Variants in PPHLN1 observed in about 807,000 individuals in gnomAD.
The protein encoded by PPHLN1 is periphilin-1.
A neutral mutation model predicts 51.3 loss-of-function variants in PPHLN1; 29 were observed. The ratio of observed to expected loss-of-function variants is 0.57; its 90% CI spans 0.42 to 0.77. PPHLN1 has a LOEUF of 0.77. PPHLN1 is among the 30% of genes least tolerant of loss of function. The pLI is 0.00. For missense variants in PPHLN1, 436 were observed against 438.4 expected, an observed-to-expected ratio of 0.99 and a Z score of 0.05; for synonymous variants, 147 against 147.8, an observed-to-expected ratio of 0.99 and a Z score of 0.04.
chr12:42,442,937 A>G, downstream of PPHLN1: 3 of 847,236 alleles, frequency 3.5e-6, no homozygotes, highest in South Asian at 6.5e-5. Context: ...CCCATAACCC[A>G]TGGTCCCCAG....
At chr12:42,446,748 CA>C, downstream of PPHLN1, 1 of 1,209,886 alleles carries the variant, frequency 8.3e-7, no homozygotes, top group Non-Finnish European at 1.1e-6. Context: ...AGGAAAGACG[CA>C]ATTGGAAGGT....
chr12:42,423,229 C>T lies in PPHLN1; in HGVS notation c.910-18086C>T, dbSNP rs1421691382. Among the ~76,000 whole-genome samples, 5 of 152,226 alleles carry T rather than the reference C, an allele frequency of 3.3e-5. No homozygotes were observed. The East Asian group carries it at 7.7e-4, about 23-fold the overall frequency. On this transcript the variant is annotated intron_variant, in intron 9 of 9. Transcript: ENST00000358314. The stretch of plus-strand genomic sequence containing the variant: ...GCTTATATGGACTAGAAAATATCTA[C>T]AGACAGATCTTGAAAATATGGACTT...
At chr12:42,434,918 C>T (rs945587678) in intron 9 of PPHLN1, among the ~76,000 whole-genome samples, 1 of 152,144 alleles carries the variant, frequency 6.6e-6, no homozygotes, top group Non-Finnish European at 1.5e-5. Context: ...GGTCTTGAAC[C>T]CTGACCTCAG....
intron 8 of PPHLN1, among the ~76,000 whole-genome samples, chr12:42,397,325 A>AT (rs1565932456): frequency 6.6e-6 from 1 of 152,178 alleles, no homozygotes; most frequent in South Asian, 2.1e-4. Context: ...GATGACCTTA[A>AT]TTTTTTTGCC....
chr12:42,404,150 C>T (rs1405544653), intron 9 of PPHLN1, among the ~76,000 whole-genome samples: 3 of 151,914 alleles, frequency 2.0e-5, no homozygotes, highest in Admixed American at 2.0e-4. Context: ...AATTACCATA[C>T]AGGTGGTTAA....
intron 9 of PPHLN1, chr12:42,432,020 G>C (rs943546431): frequency 5.9e-6 from 9 of 1,522,252 alleles, no homozygotes; most frequent in Non-Finnish European, 8.2e-6. Context: ...ATGGATTGCT[G>C]TCTGGATCTT....
intron 4 of PPHLN1, among the ~76,000 whole-genome samples, chr12:42,360,294 T>C (rs2074501794): frequency 6.6e-6 from 1 of 151,370 alleles, no homozygotes; most frequent in Non-Finnish European, 1.5e-5. Context: ...AGTCTTCCCT[T>C]GATTTTTATG....
At chr12:42,400,798 T>TCACACACACACACA (rs67724902) in intron 9 of PPHLN1, among the ~76,000 whole-genome samples, 33 of 142,522 alleles carry the variant, frequency 2.3e-4, no homozygotes, top group African/African-American at 8.2e-4. Flanking sequence ...TCTCTCTCTT[T>TCACACACACACACA]CACACACACA....
Position 42,384,837 on chromosome 12 carries a change from T to C in PPHLN1, c.512-103T>C, listed in dbSNP as rs1325338241. 3.6e-6 allele frequency: 4 copies of C among 1,115,376 alleles called. No individual in the cohort carries two copies. In the South Asian group the frequency reaches 4.5e-5, roughly 13 times the overall value. The allele number at this position is 1,115,376 out of a possible 1,614,324, so 69.1% of individuals were successfully genotyped here. A position where few individuals can be genotyped will look rare whatever the true frequency, so the allele number is the denominator to read the frequency against. On this transcript the variant is annotated intron_variant, in intron 5 of 9. Coordinates refer to ENST00000358314, the MANE Select transcript of PPHLN1 (RefSeq NM_201439.2). ...AGAGTTTAGGGCCACCAGAAAATGC[T>C]CAGAAGCCCCTGTTCTCATCACTCC...
At chr12:42,422,455 T>C (rs1417823551) in intron 9 of PPHLN1, among the ~76,000 whole-genome samples, 1 of 152,224 alleles carries the variant, frequency 6.6e-6, no homozygotes, top group African/African-American at 2.4e-5. Context: ...ACTGTTTCTT[T>C]TGGCTCTTGT....
intron 9 of PPHLN1, among the ~76,000 whole-genome samples, chr12:42,440,515 G>C (rs1482951156): frequency 1.3e-5 from 2 of 152,138 alleles, no homozygotes; most frequent in African/African-American, 4.8e-5. Context: ...TCAAATTTAA[G>C]GTTTTATGAC....
chr12:42,440,626 G>C (rs1200231027), intron 9 of PPHLN1, among the ~76,000 whole-genome samples: 2 of 152,204 alleles, frequency 1.3e-5, no homozygotes, highest in East Asian at 3.8e-4. Context: ...ATGTCTGCAG[G>C]GCTGCGTTTA....
intron 4 of PPHLN1, among the ~76,000 whole-genome samples, chr12:42,360,588 C>T (rs1157671371): frequency 6.7e-6 from 1 of 149,418 alleles, no homozygotes; most frequent in East Asian, 2.0e-4. Flanking sequence ...CTCTGCCTCC[C>T]AGATTCAAGT....
intron 1 of PPHLN1, among the ~76,000 whole-genome samples, chr12:42,335,096 C>T (rs924452147): frequency 6.6e-6 from 1 of 152,018 alleles, no homozygotes; most frequent in Non-Finnish European, 1.5e-5. Context: ...TTTACCTTGT[C>T]TTTTGTCTGT....
chr12:42,347,461 T>C lies in PPHLN1; in HGVS notation c.73-4424T>C, dbSNP rs141105579. 4.6e-5 allele frequency among the ~76,000 whole-genome samples: 7 copies of C among 152,318 alleles called. No individual in the cohort carries two copies. In the East Asian group the frequency reaches 1.3e-3, roughly 29 times the overall value. On this transcript the variant is annotated intron_variant, in intron 2 of 9. Transcript: ENST00000358314. ...TGTCTGGCAATGCAGGTAATAAAAATACTGTTTGAATTTCAACAATATAAT... is the reference window on the plus strand; with the variant it reads ...TGTCTGGCAATGCAGGTAATAAAAACACTGTTTGAATTTCAACAATATAAT...
intron 2 of PPHLN1, among the ~76,000 whole-genome samples, chr12:42,344,708 A>ATTTT (rs35335129): frequency 0.12 from 15,505 of 133,886 alleles, 1,118 homozygotes; most frequent in South Asian, 0.18. Flanking sequence ...AACAGTGTGG[A>ATTTT]TTTTTTTTTT....
At chr12:42,444,967 T>G, downstream of PPHLN1, 1 of 682,810 alleles carries the variant, frequency 1.5e-6, no homozygotes, top group Non-Finnish European at 2.7e-6. Flanking sequence ...GTTGGAGCCC[T>G]AATATTGGCC....
intron 4 of PPHLN1, among the ~76,000 whole-genome samples, chr12:42,357,394 T>A (rs1175559896): frequency 6.6e-6 from 1 of 152,224 alleles, no homozygotes; most frequent in African/African-American, 2.4e-5. Context: ...TGTAGTGATG[T>A]AAACAGTGTT....
intron 2 of PPHLN1, among the ~76,000 whole-genome samples, chr12:42,345,285 C>T (rs11181444): frequency 0.16 from 24,710 of 151,888 alleles, 2,061 homozygotes; most frequent in Admixed American, 0.2. Context: ...AGGGGTGAGA[C>T]CTCATCCCTA....
Sources: gnomAD v4.1 joint callset for allele counts (sites outside exome capture counted in the v4.1 genomes callset) on GRCh38, gnomAD v4.1.1 for gene constraint, MANE v1.5 for transcripts, NCBI Gene and HGNC (gene_info 2026-07-23, HGNC 2026-07-21) for gene names.